The following EYS variants were observed in gnomAD, a reference collection of about 807,000 sequenced individuals.
EYS encodes the protein protein eyes shut homolog.
EYS carries 250 observed loss-of-function variants against 282.1 expected under a neutral mutation model. The observed-to-expected ratio is 0.89, with a 90% CI of 0.80 to 0.98. The LOEUF is 0.98. Among genes scored for constraint, EYS ranks in the 50% least tolerant of loss-of-function variants. The probability of loss-of-function intolerance (pLI) is 0.00; values close to 1 mark genes in which losing one functional copy is unlikely to be tolerated. For missense variants in EYS, 4,016 were observed against 3,709.0 expected (o/e 1.08, Z -2.15); for synonymous variants, 1,355 against 1,282.9 (o/e 1.06, Z -1.20).
intron 11 of EYS, among the ~76,000 whole-genome samples, chr6:65,307,652 A>C (rs1405248826): frequency 7.2e-6 from 1 of 138,366 alleles, no homozygotes; most frequent in African/African-American, 2.4e-5. Flanking sequence ...TTAATTCTCA[A>C]ATACATCCAT....
At chr6:65,331,028 T>C (rs1425215869) in intron 11 of EYS, 1 of 984,394 alleles carries the variant, frequency 1.0e-6, no homozygotes, top group African/African-American at 1.7e-5. Context: ...ATTATTATTT[T>C]TTTTCCTTTA....
intron 26 of EYS, among the ~76,000 whole-genome samples, chr6:64,516,607 C>T (rs2150522773): frequency 6.6e-6 from 1 of 151,476 alleles, no homozygotes; most frequent in African/African-American, 2.4e-5. Context: ...TGAGTCAGTC[C>T]TAGAATGGCA....
At chr6:65,015,911 A>T (rs1477335872) in intron 13 of EYS, among the ~76,000 whole-genome samples, 1 of 144,682 alleles carries the variant, frequency 6.9e-6, no homozygotes, top group East Asian at 2.0e-4. Flanking sequence ...TGGGCATGGT[A>T]GCGCACCCAT....
intron 40 of EYS, among the ~76,000 whole-genome samples, chr6:63,769,472 T>C (rs1247283975): frequency 6.6e-6 from 1 of 152,090 alleles, no homozygotes; most frequent in African/African-American, 2.4e-5. Flanking sequence ...ACTGTTTTCT[T>C]ATTTCAAGAC....
chr6:64,559,993 T>A (rs1765347450), intron 26 of EYS, among the ~76,000 whole-genome samples: 1 of 152,134 alleles, frequency 6.6e-6, no homozygotes, highest in South Asian at 2.1e-4. Context: ...CTCCCACTTA[T>A]AAGTGAGAAC....
intron 12 of EYS, among the ~76,000 whole-genome samples, chr6:65,204,836 G>C (rs375967651): frequency 9.4e-6 from 1 of 105,860 alleles, no homozygotes; most frequent in Non-Finnish European, 2.1e-5. Flanking sequence ...CTGGAAGAAC[G>C]TATTTATATA....
At chr6:65,242,564 T>G (rs1767082575) in intron 12 of EYS, among the ~76,000 whole-genome samples, 1 of 152,138 alleles carries the variant, frequency 6.6e-6, no homozygotes, top group African/African-American at 2.4e-5. Context: ...TAAATTTTTA[T>G]TAATGCTACT....
rs947359516 is a variant in EYS, at chr6:64,533,901, G to A, written c.5644+56322C>T. ...GATTGGTTAAAGCAAACATAACAAT[G>A]TATTATAGGGTTTATATCACATGCA... On this transcript the variant is annotated intron_variant, in intron 26 of 42. Coordinates refer to ENST00000503581, the MANE Select transcript of EYS (RefSeq NM_001142800.2). Among the ~76,000 whole-genome samples the A allele has an allele frequency of 3.3e-5, 5 of 151,876 alleles. No individual in the cohort carries two copies. In the South Asian group the frequency reaches 1.0e-3, roughly 32 times the overall value.
intron 31 of EYS, among the ~76,000 whole-genome samples, chr6:64,177,053 G>A (rs961924808): frequency 1.3e-5 from 2 of 151,452 alleles, no homozygotes; most frequent in Non-Finnish European, 2.9e-5. Context: ...TATGAAGAAT[G>A]GATTTTACAA....
At chr6:64,069,264 T>C (rs1390479788) in intron 32 of EYS, among the ~76,000 whole-genome samples, 1 of 152,068 alleles carries the variant, frequency 6.6e-6, no homozygotes, top group African/African-American at 2.4e-5. Flanking sequence ...AGGGATCATT[T>C]TTTCATTTTC....
intron 1 of EYS, among the ~76,000 whole-genome samples, chr6:65,676,760 T>C (rs1174176684): frequency 6.6e-6 from 1 of 151,632 alleles, no homozygotes; most frequent in Non-Finnish European, 1.5e-5. Context: ...TAGAAAAAAA[T>C]TGCATACCAA....
chr6:65,003,416 C>G (rs9354201), intron 13 of EYS, among the ~76,000 whole-genome samples: 4 of 147,142 alleles, frequency 2.7e-5, no homozygotes, highest in Admixed American at 2.7e-4. Context: ...ATGTTATCAA[C>G]GAAATGGTGC....
intron 5 of EYS, among the ~76,000 whole-genome samples, chr6:65,486,554 T>C (rs1035794179): frequency 2.0e-5 from 3 of 152,176 alleles, no homozygotes; most frequent in Non-Finnish European, 2.9e-5. Context: ...TATTCCTCCA[T>C]GATTCAAGAA....
chr6:65,184,419 AG>A (rs1257559583), intron 12 of EYS, among the ~76,000 whole-genome samples: 2 of 151,898 alleles, frequency 1.3e-5, no homozygotes, highest in Non-Finnish European at 2.9e-5. Context: ...CCTCATGACT[AG>A]CCATCTTTTA....
intron 29 of EYS, among the ~76,000 whole-genome samples, chr6:64,309,709 G>GT (rs572422362): frequency 9.9e-4 from 150 of 152,230 alleles, no homozygotes; most frequent in Admixed American, 8.8e-3. Context: ...GCTCATGCCT[G>GT]TAATCCCAGC....
intron 14 of EYS, among the ~76,000 whole-genome samples, chr6:64,958,734 CAAAAAAAAAAAAAAAA>C (rs1167094477): frequency 3.9e-5 from 2 of 51,670 alleles, no homozygotes; most frequent in African/African-American, 1.9e-4. Flanking sequence ...GACTCCGTCT[CAAAAAAAAAAAAAAAA>C]AAAAAAAAAA....
chr6:64,728,038 C>T (rs998732262), intron 22 of EYS, among the ~76,000 whole-genome samples: 7 of 152,240 alleles, frequency 4.6e-5, no homozygotes, highest in Admixed American at 1.3e-4. Flanking sequence ...GCTGCTTCTT[C>T]GGGGCGGCAG....
intron 7 of EYS, among the ~76,000 whole-genome samples, chr6:65,393,548 AT>A (rs543168997): frequency 6.0e-4 from 91 of 152,326 alleles, no homozygotes; most frequent in African/African-American, 2.0e-3. Flanking sequence ...ATTTTATTAT[AT>A]GTTGAAATAT....
intron 2 of EYS, among the ~76,000 whole-genome samples, chr6:65,547,477 G>C (rs1237733587): frequency 1.3e-5 from 2 of 151,872 alleles, no homozygotes; most frequent in African/African-American, 2.4e-5. Context: ...GATCTATGTA[G>C]ATAAAATATG....
Sources: gnomAD v4.1 joint callset for allele counts (sites outside exome capture counted in the v4.1 genomes callset) on GRCh38, gnomAD v4.1.1 for gene constraint, MANE v1.5 for transcripts, NCBI Gene and HGNC (gene_info 2026-07-23, HGNC 2026-07-21) for gene names.